TSPAN14: variants seen among roughly 807,000 people sequenced by gnomAD.
The protein encoded by TSPAN14 is tetraspanin-14.
In TSPAN14, 16 loss-of-function variants were observed where a neutral mutation model predicts 36.6. The ratio of observed to expected loss-of-function variants is 0.44; its 90% CI spans 0.30 to 0.66. The LOEUF (loss-of-function observed/expected upper bound fraction) is 0.66, where lower values mean the gene tolerates loss of function less well. Among genes scored for constraint, TSPAN14 ranks in the 30% least tolerant of loss-of-function variants. The probability of loss-of-function intolerance (pLI) is 0.12; values close to 1 mark genes in which losing one functional copy is unlikely to be tolerated. For synonymous variants in TSPAN14, 139 were observed against 143.8 expected (o/e 0.97, Z 0.24); for missense variants, 231 against 355.1 (o/e 0.65, Z 2.81).
At chr10:80,504,972 T>C (rs1243126651) in intron 3 of TSPAN14, among the ~76,000 whole-genome samples, 194 bp downstream of exon 3, 2 of 152,228 alleles carry the variant, frequency 1.3e-5, no homozygotes, top group African/African-American at 4.8e-5. Context: ...GCTGGAGGTA[T>C]GGGCTGGGCT....
At chr10:80,495,812 A>G (rs976158230) in intron 2 of TSPAN14, among the ~76,000 whole-genome samples, 10 of 152,212 alleles carry the variant, frequency 6.6e-5, no homozygotes, top group Non-Finnish European at 1.3e-4. Flanking sequence ...ATTCATTTCA[A>G]CTGTACAGTT....
chr10:80,456,962 T>C (rs1367176475), intron 1 of TSPAN14, among the ~76,000 whole-genome samples: 1 of 152,052 alleles, frequency 6.6e-6, no homozygotes, highest in African/African-American at 2.4e-5. Context: ...CTTGGGAGGC[T>C]GAGGCAGGAG....
At chr10:80,476,091 G>T (rs1589251222) in intron 1 of TSPAN14, among the ~76,000 whole-genome samples, 1 of 152,182 alleles carries the variant, frequency 6.6e-6, no homozygotes, top group Admixed American at 6.5e-5. Flanking sequence ...GTAAAGGCTG[G>T]CTGGGTGCGG....
intron 1 of TSPAN14, among the ~76,000 whole-genome samples, chr10:80,460,527 C>A (rs1209559549): frequency 6.6e-6 from 1 of 152,180 alleles, no homozygotes; most frequent in African/African-American, 2.4e-5. Context: ...CCTGTCCATT[C>A]TTCTTGCACT....
At chr10:80,497,956 G>C (rs1848285103) in intron 2 of TSPAN14, among the ~76,000 whole-genome samples, 1 of 152,196 alleles carries the variant, frequency 6.6e-6, no homozygotes, top group Non-Finnish European at 1.5e-5. Context: ...TCTGGGCTCT[G>C]TTTCCCTCTG....
intron 1 of TSPAN14, among the ~76,000 whole-genome samples, chr10:80,460,517 C>T (rs1170306491): frequency 6.6e-6 from 1 of 152,152 alleles, no homozygotes; most frequent in African/African-American, 2.4e-5. Context: ...TTGGCAGTGT[C>T]CTGTCCATTC....
chr10:80,520,646 C>T (rs375836094), exon 9 of TSPAN14: 10 of 533,458 alleles, frequency 1.9e-5, no homozygotes, highest in African/African-American at 9.6e-5. Context: ...GTCTTCCTAT[C>T]GCTGGCCTTC....
intron 1 of TSPAN14, among the ~76,000 whole-genome samples, chr10:80,475,018 C>T (rs146413162): frequency 2.0e-5 from 3 of 152,216 alleles, no homozygotes; most frequent in South Asian, 2.1e-4. Context: ...CAGGCAGAAT[C>T]GGGGGATGCT....
chr10:80,488,067 C>T (rs1847717034), intron 1 of TSPAN14, among the ~76,000 whole-genome samples: 1 of 152,186 alleles, frequency 6.6e-6, no homozygotes, highest in Non-Finnish European at 1.5e-5. Flanking sequence ...TGGGTCGCCT[C>T]CTCACCTCTA....
chr10:80,502,445 G>A (rs1848571880), intron 2 of TSPAN14, among the ~76,000 whole-genome samples: 1 of 152,214 alleles, frequency 6.6e-6, no homozygotes, highest in Non-Finnish European at 1.5e-5. Flanking sequence ...ACTCGAGTGG[G>A]TGGAGCCGGG....
intron 2 of TSPAN14, among the ~76,000 whole-genome samples, chr10:80,503,502 T>G (rs1848643792): frequency 6.6e-6 from 1 of 151,956 alleles, no homozygotes; most frequent in East Asian, 1.9e-4. Context: ...GCTCTGCTTT[T>G]GTAAAATGGA....
At chr10:80,465,170 TGAGTTCTGCC>T (rs1846173519) in intron 1 of TSPAN14, among the ~76,000 whole-genome samples, 1 of 151,618 alleles carries the variant, frequency 6.6e-6, no homozygotes, top group Admixed American at 6.6e-5. Flanking sequence ...CTTTGGGGAG[TGAGTTCTGCC>T]GAGTCTTCCC....
chr10:80,464,359 C>T (rs934565137), intron 1 of TSPAN14, among the ~76,000 whole-genome samples: 4 of 152,144 alleles, frequency 2.6e-5, no homozygotes, highest in East Asian at 1.9e-4. Context: ...GTGTTTTGAG[C>T]GGGAGCTTCC....
chr10:80,515,516 C>G (rs1445676417), intron 7 of TSPAN14: 1 of 152,298 alleles, frequency 6.6e-6, no homozygotes, highest in Admixed American at 6.5e-5. Context: ...TTCTGAAGTC[C>G]TGGGGGTTAG....
exon 9 of TSPAN14, chr10:80,521,912 A>AAAAAG (rs1491491921): frequency 2.1e-5 from 2 of 93,572 alleles, no homozygotes; most frequent in Non-Finnish European, 4.3e-5. Flanking sequence ...CTCAAAAAAG[A>AAAAAG]AAAAAAAAAA....
chr10:80,488,747 C>T (rs1180719129), intron 1 of TSPAN14, among the ~76,000 whole-genome samples: 5 of 152,156 alleles, frequency 3.3e-5, no homozygotes, highest in South Asian at 2.1e-4. Flanking sequence ...TGGTCAAGCC[C>T]GTTTCTTCTG....
intron 1 of TSPAN14, chr10:80,485,647 G>T: frequency 1.0e-6 from 1 of 985,406 alleles, no homozygotes; most frequent in Non-Finnish European, 1.2e-6. Context: ...CCCACAGAGG[G>T]TCAGGACCTG....
chr10:80,463,771 A>G (rs111770454), intron 1 of TSPAN14, among the ~76,000 whole-genome samples: 135 of 152,376 alleles, frequency 8.9e-4, no homozygotes, highest in African/African-American at 3.1e-3. Context: ...GTAAAAGGAA[A>G]AGAAACATGC....
chr10:80,492,540 GGC>G (rs1227238934), intron 2 of TSPAN14, among the ~76,000 whole-genome samples: 2 of 152,188 alleles, frequency 1.3e-5, no homozygotes, highest in Non-Finnish European at 2.9e-5. Context: ...TCACAGGCCT[GGC>G]GCGGTGGCTC....
Sources: allele counts gnomAD v4.1 joint callset (sites outside exome capture counted in the v4.1 genomes callset), GRCh38; gene constraint gnomAD v4.1.1; transcripts MANE v1.5; gene names NCBI Gene and HGNC (gene_info 2026-07-23, HGNC 2026-07-21).